The following USP10 variants were observed in gnomAD, a reference collection of about 807,000 sequenced individuals.
USP10 encodes ubiquitin carboxyl-terminal hydrolase 10.
Under a neutral mutation model 84.5 loss-of-function variants are expected in USP10, and 22 were observed. That is an observed-to-expected ratio of 0.26 (90% CI 0.19 to 0.37). The LOEUF is 0.37. Among genes scored for constraint, USP10 ranks in the 10% least tolerant of loss-of-function variants. USP10 has a pLI of 1.00. For synonymous variants in USP10, 454 were observed against 387.6 expected (o/e 1.17, Z -2.01); for missense variants, 1,019 against 998.9 (o/e 1.02, Z -0.27).
In USP10 at chr16:84,760,340, A is replaced by G. The variant is rs73245646; in HGVS notation, c.1554+65A>G. ...CTTTTGTTCCAGTGTTTGTGTGGTA[A>G]CTGTTGCTTATTGATATTTGCCCTC... On this transcript the variant is annotated intron_variant, in intron 8 of 13. Transcript: ENST00000219473. 3.8e-3 allele frequency: 5,402 copies of G among 1,406,222 alleles called. 177 individuals are homozygous for G. In the African/African-American group the frequency reaches 0.067, roughly 17 times the overall value. The allele number at this position is 1,406,222 out of a possible 1,614,324, so 87.1% of individuals were successfully genotyped here. A position where few individuals can be genotyped will look rare whatever the true frequency, so the allele number is the denominator to read the frequency against.
At chr16:84,732,826 C>G (rs958724448) in intron 1 of USP10, among the ~76,000 whole-genome samples, 2 of 152,222 alleles carry the variant, frequency 1.3e-5, no homozygotes, top group East Asian at 1.9e-4. Context: ...TGCAGTTTAA[C>G]CACTTCGTTT....
In USP10 at chr16:84,760,083, G is replaced by A. The variant is rs563980053; in HGVS notation, c.1451-89G>A. 4.7e-6 allele frequency: 7 copies of A among 1,497,266 alleles called. No individual in the cohort carries two copies. The Admixed American group carries it at 9.2e-5, about 20-fold the overall frequency. The allele number at this position is 1,497,266 out of a possible 1,614,324, so 92.7% of individuals were successfully genotyped here. A position where few individuals can be genotyped will look rare whatever the true frequency, so the allele number is the denominator to read the frequency against. Reference sequence around the variant, plus strand: ...GCCATTCTCAACATTCAGCCAGGTGGGAGGTGGGGGAGTTTTGATGATGTT... The same window carrying A: ...GCCATTCTCAACATTCAGCCAGGTGAGAGGTGGGGGAGTTTTGATGATGTT... On this transcript the variant is annotated intron_variant, in intron 7 of 13. Transcript: ENST00000219473.
At chr16:84,751,521 T>C (rs564253856) in intron 4 of USP10, among the ~76,000 whole-genome samples, 51 of 152,362 alleles carry the variant, frequency 3.3e-4, no homozygotes, top group Non-Finnish European at 6.5e-4. Context: ...ACTGAGAGTT[T>C]AGTCCACATC....
intron 4 of USP10, among the ~76,000 whole-genome samples, chr16:84,754,386 G>C (rs888340933): frequency 6.6e-6 from 1 of 152,098 alleles, no homozygotes; most frequent in Non-Finnish European, 1.5e-5. Flanking sequence ...GGTTTATTCT[G>C]CGTTTAACGA....
At chr16:84,748,933 T>C (rs553547142) in intron 4 of USP10, among the ~76,000 whole-genome samples, 1 of 152,370 alleles carries the variant, frequency 6.6e-6, no homozygotes, top group African/African-American at 2.4e-5. Context: ...AGATTATTTT[T>C]TTAATCCTAT....
intron 4 of USP10, among the ~76,000 whole-genome samples, chr16:84,748,345 C>T (rs781486291): frequency 1.3e-5 from 2 of 151,664 alleles, no homozygotes; most frequent in African/African-American, 4.8e-5. Context: ...ACTCTGTCGC[C>T]CAGGCCGGAA....
intron 11 of USP10, among the ~76,000 whole-genome samples, chr16:84,770,254 T>G (rs1399221511): frequency 6.6e-6 from 1 of 152,168 alleles, no homozygotes; most frequent in Non-Finnish European, 1.5e-5. Context: ...AGCAGATGTT[T>G]CAGGAAGATT....
intron 1 of USP10, among the ~76,000 whole-genome samples, chr16:84,713,471 C>G (rs1906577670): frequency 6.6e-6 from 1 of 152,132 alleles, no homozygotes; most frequent in Non-Finnish European, 1.5e-5. Flanking sequence ...ACCCGCTATC[C>G]TGACGTGTGT....
rs539237415 is a variant in USP10 at position 84,721,042 on chromosome 16, C to T, written c.22-12393C>T. On this transcript the variant is annotated intron_variant, in intron 1 of 13. Transcript: ENST00000219473. Reference sequence around the variant, plus strand: ...TCGAGTAGCCGGGAGTACAGGTGCCCGCCACCATGCCTGACTAATTTTTGT... The same window carrying T: ...TCGAGTAGCCGGGAGTACAGGTGCCTGCCACCATGCCTGACTAATTTTTGT... 4.6e-5 allele frequency among the ~76,000 whole-genome samples: 7 copies of T among 151,852 alleles called. No individual in the cohort carries two copies. In the East Asian group the frequency reaches 5.8e-4, roughly 13 times the overall value.
At chr16:84,701,457 C>G (rs1287333626) in intron 1 of USP10, among the ~76,000 whole-genome samples, 1 of 151,986 alleles carries the variant, frequency 6.6e-6, no homozygotes, top group Non-Finnish European at 1.5e-5. Flanking sequence ...GTGTATTTAG[C>G]TTTGTTTAGA....
In USP10 at chr16:84,777,552, C is replaced by G. The variant is rs111892398; in HGVS notation, c.2210-1343C>G. Among the ~76,000 whole-genome samples the G allele has an allele frequency of 1.0e-3, 153 of 152,226 alleles. No individual in the cohort carries two copies. The Middle Eastern group carries it at 0.01, about 10-fold the overall frequency. ...TTGGATTGGCTGTGTCCCTGGCTCT[C>G]CGAAGTACGGGCCCCACAGTCTTGC... On this transcript the variant is annotated intron_variant, in intron 13 of 13. Transcript: ENST00000219473.
chr16:84,765,973 G>T (rs796438597), intron 10 of USP10, among the ~76,000 whole-genome samples: 1 of 152,168 alleles, frequency 6.6e-6, no homozygotes, highest in East Asian at 1.9e-4. Flanking sequence ...TACTGAAGAG[G>T]CCTCATTGGA....
At position 84,745,208 on chromosome 16, in the gene USP10, G is replaced by A; in HGVS notation, c.727G>A (p.Glu243Lys). 1 of 1,613,316 alleles carries A rather than the reference G, an allele frequency of 6.2e-7. No individual in the cohort carries two copies. The stretch of plus-strand genomic sequence containing the variant: ...TGACACCAGGACTGCAGGGCAGCCA[G>A]AGGGGGGCCCCGGGGCTGATTTTGG... ...GSDTRTAGQPEGGPGADFGQS... is the reference protein window; with the variant it reads ...GSDTRTAGQPKGGPGADFGQS... The change falls in exon 4 of 14, where the codon GAG becomes AAG. Residue 243 changes from glutamate (E) to lysine (K), a missense_variant. Glu to Lys is a moderately conservative substitution (Grantham distance 56). Transcript: ENST00000219473.
intron 1 of USP10, among the ~76,000 whole-genome samples, chr16:84,712,484 C>A (rs1201342994): frequency 1.3e-5 from 2 of 152,196 alleles, no homozygotes; most frequent in Admixed American, 1.3e-4. Flanking sequence ...GGTTAATTGG[C>A]AGGGACCAGT....
At chr16:84,767,618 A>G (rs1362192267) in intron 10 of USP10, among the ~76,000 whole-genome samples, 2 of 152,210 alleles carry the variant, frequency 1.3e-5, no homozygotes, top group African/African-American at 4.8e-5. Context: ...GGCTGCCTTT[A>G]TGAACCGGTG....
chr16:84,764,492 C>T (rs973324216), intron 10 of USP10, among the ~76,000 whole-genome samples: 3 of 152,152 alleles, frequency 2.0e-5, no homozygotes, highest in African/African-American at 7.2e-5. Flanking sequence ...CTCCTCCCTT[C>T]TACTCTGTCA....
intron 4 of USP10, among the ~76,000 whole-genome samples, chr16:84,746,000 T>G (rs1020301450): frequency 1.3e-5 from 2 of 152,264 alleles, no homozygotes; most frequent in African/African-American, 2.4e-5. Flanking sequence ...TTTTCTGTGA[T>G]ATACCTTTGG....
chr16:84,704,733 T>C (rs1174381344), intron 1 of USP10: 1 of 1,507,550 alleles, frequency 6.6e-7, no homozygotes, highest in Non-Finnish European at 8.9e-7. Context: ...TTCTGGCTAT[T>C]TGAAAGCTCC....
chr16:84,764,011 C>T lies in USP10; in HGVS notation c.1655-75C>T, dbSNP rs919849021. The T allele has an allele frequency of 1.4e-5, 21 of 1,480,554 alleles. No homozygotes were observed. The African/African-American group carries it at 2.6e-4, about 18-fold the overall frequency. The allele number at this position is 1,480,554 out of a possible 1,614,324, so 91.7% of individuals were successfully genotyped here. ...CTGATTTCATTTTTAAAACTGCAAT[C>T]GACAGATCTGTGCCTTTTTTTTTTT... On this transcript the variant is annotated intron_variant, in intron 9 of 13. Coordinates refer to ENST00000219473, the MANE Select transcript of USP10 (RefSeq NM_005153.3).
Sources: gnomAD v4.1 joint callset for allele counts (sites outside exome capture counted in the v4.1 genomes callset) on GRCh38, gnomAD v4.1.1 for gene constraint, MANE v1.5 for transcripts, NCBI Gene and HGNC (gene_info 2026-07-23, HGNC 2026-07-21) for gene names.